Variants in MEIS3 observed in about 807,000 individuals in gnomAD.
MEIS3 encodes Meis homeobox 3.
A neutral mutation model predicts 51.4 loss-of-function variants in MEIS3; 38 were observed. That is an observed-to-expected ratio of 0.74 (90% CI 0.57 to 0.97). The LOEUF (loss-of-function observed/expected upper bound fraction) is 0.97. Ranked by LOEUF, MEIS3 falls within the 50% of genes least tolerant of loss-of-function variation. The pLI, the probability that MEIS3 is intolerant of heterozygous loss-of-function variation, is 0.00. For missense variants in MEIS3, 456 were observed against 502.6 expected, an observed-to-expected ratio of 0.91 and a Z score of 0.89; for synonymous variants, 198 against 201.8, an observed-to-expected ratio of 0.98 and a Z score of 0.16.
In MEIS3 at chr19:47,406,466, T is replaced by C; in HGVS notation, c.*11A>G. ...AGCCCTTAGACCCTCACACCTCTCCTGCATCAGCCTCTATAGATAATGCCA... is the reference window on the plus strand; with the variant it reads ...AGCCCTTAGACCCTCACACCTCTCCCGCATCAGCCTCTATAGATAATGCCA... On this transcript the variant is annotated 3_prime_UTR_variant, in exon 12 of 13. Coordinates refer to ENST00000558555, the MANE Select transcript of MEIS3 (RefSeq NM_001301059.2). 1 of 1,613,240 alleles carries C rather than the reference T, an allele frequency of 6.2e-7. No homozygotes were observed. Among genetic ancestry groups the C allele is most frequent in the Non-Finnish European group, 8.5e-7 (1 of 1,179,468 alleles).
intron 12 of MEIS3, 164 bp downstream of exon 12, chr19:47,406,296 T>TGGAC (rs1372810538): frequency 3.8e-6 from 2 of 522,268 alleles, no homozygotes; most frequent in Admixed American, 3.5e-5. Context: ...GATGGATGGA[T>TGGAC]GGACGGACGG....
At chr19:47,408,228 G>A (rs569513815) in intron 8 of MEIS3, among the ~76,000 whole-genome samples, 4 of 151,494 alleles carry the variant, frequency 2.6e-5, no homozygotes, top group Non-Finnish European at 5.9e-5. Context: ...CCTGGCTCAA[G>A]CAATCCTCCG....
rs778163193 is a variant in MEIS3 at position 47,409,125 on chromosome 19, G to C, written c.832C>G (p.Arg278Gly). ...IFPKVATNIM[R>G]AWLFQHLSHP... ...GAGAGGTGCTGGAACAACCAGGCTC[G>C]CATGATGTTGGTGGCCACCTTGGGG... The change falls in exon 8 of 13, where the codon CGA (arginine) becomes GGA (glycine). Residue 278 changes from arginine (R) to glycine (G), a missense_variant. Coordinates refer to ENST00000558555, the MANE Select transcript of MEIS3 (RefSeq NM_001301059.2). 1.2e-6 allele frequency: 2 copies of C among 1,611,176 alleles called. No individual in the cohort carries two copies. The highest frequency in any genetic ancestry group is 1.7e-6 in the Non-Finnish European group (2 of 1,179,998).
chr19:47,420,601 G>T (rs954664553), upstream of MEIS3, among the ~76,000 whole-genome samples: 3 of 151,434 alleles, frequency 2.0e-5, no homozygotes, highest in African/African-American at 4.9e-5. Context: ...CAGACAGGAG[G>T]GGGAGGGAGT....
chr19:47,413,603 T>C (rs1301895071), intron 6 of MEIS3, among the ~76,000 whole-genome samples: 2 of 151,990 alleles, frequency 1.3e-5, no homozygotes, highest in African/African-American at 4.8e-5. Context: ...TATGGAGCTG[T>C]GGCAAGTCGG....
chr19:47,419,113 T>A lies in MEIS3; in HGVS notation c.-32A>T. 8.1e-7 allele frequency: 1 copy of A among 1,229,720 alleles called. No homozygotes were observed. Among genetic ancestry groups the A allele is most frequent in the Non-Finnish European group, 1.0e-6 (1 of 986,834 alleles). The allele number at this position is 1,229,720 out of a possible 1,614,324, so 76.2% of individuals were successfully genotyped here. A position where few individuals can be genotyped will look rare whatever the true frequency, so the allele number is the denominator to read the frequency against. On this transcript the variant is annotated 5_prime_UTR_variant, in exon 1 of 13. Coordinates refer to ENST00000558555, the MANE Select transcript of MEIS3 (RefSeq NM_001301059.2). ...AGGCCGGCGGCAGCTCCTGGGTCCCTCCAGAGCCTGGCCGCGGGGGAGGGC... is the reference window on the plus strand; with the variant it reads ...AGGCCGGCGGCAGCTCCTGGGTCCCACCAGAGCCTGGCCGCGGGGGAGGGC...
chr19:47,414,635 G>C, intron 6 of MEIS3, 82 bp downstream of exon 6: 1 of 1,479,278 alleles, frequency 6.8e-7, no homozygotes, highest in Non-Finnish European at 9.1e-7. Flanking sequence ...GTCTGAGGCT[G>C]TGTAGTGCAC....
chr19:47,409,259 C>T lies in MEIS3; in HGVS notation c.710-12G>A. On this transcript the variant is annotated splice_polypyrimidine_tract_variant and intron_variant, in intron 7 of 12. Transcript: ENST00000558555. ...GTCCAGCCCGTCTCCTGAGGGAAGG[C>T]AGGCATGCTGTGTGTGTGGGTAGTG... 6.2e-7 allele frequency: 1 copy of T among 1,604,018 alleles called. No homozygotes were observed. Among genetic ancestry groups the T allele is most frequent in the Non-Finnish European group, 8.5e-7 (1 of 1,175,852 alleles).
At chr19:47,407,251 A>AG in intron 9 of MEIS3, 101 bp downstream of exon 9, 1 of 1,490,608 alleles carries the variant, frequency 6.7e-7, no homozygotes, top group South Asian at 1.3e-5. Flanking sequence ...CGGGGCGAGC[A>AG]GGGGCAGTGG....
At chr19:47,407,016 G>A in intron 10 of MEIS3, 45 bp from the exon 11 acceptor site, 1 of 1,579,222 alleles carries the variant, frequency 6.3e-7, no homozygotes, top group Non-Finnish European at 8.6e-7. Flanking sequence ...CAGGAAGCCC[G>A]GGACCCGGCT....
intron 6 of MEIS3, among the ~76,000 whole-genome samples, chr19:47,410,874 G>A (rs568542138): frequency 6.6e-6 from 1 of 152,302 alleles, no homozygotes; most frequent in South Asian, 2.1e-4. Context: ...ACCTTACACA[G>A]GTCTATGGCA....
intron 12 of MEIS3, among the ~76,000 whole-genome samples, chr19:47,405,369 A>G (rs1487390925): frequency 1.3e-5 from 2 of 152,028 alleles, no homozygotes; most frequent in Non-Finnish European, 2.9e-5. Context: ...CCCCATCCAG[A>G]GGCCACTTCC....
chr19:47,414,615 C>T (rs1383440380), intron 6 of MEIS3, 102 bp downstream of exon 6: 4 of 1,372,780 alleles, frequency 2.9e-6, no homozygotes, highest in South Asian at 1.4e-5. Flanking sequence ...ATCAGGCTGA[C>T]TGTGGCTTCG....
intron 12 of MEIS3, among the ~76,000 whole-genome samples, chr19:47,404,801 G>A (rs1970741640): frequency 6.6e-6 from 1 of 152,154 alleles, no homozygotes; most frequent in Non-Finnish European, 1.5e-5. Context: ...TCCCAGCCCT[G>A]CCCGTTCTGG....
chr19:47,417,688 G>C lies in MEIS3; in HGVS notation c.13-338C>G, dbSNP rs1261009592. 1.0e-5 allele frequency: 7 copies of C among 702,424 alleles called. No homozygotes were observed. In the Admixed American group the frequency reaches 1.0e-4, roughly 10 times the overall value. The allele number at this position is 702,424 out of a possible 1,614,324, so 43.5% of individuals were successfully genotyped here. A position where few individuals can be genotyped will look rare whatever the true frequency, so the allele number is the denominator to read the frequency against. On this transcript the variant is annotated intron_variant, in intron 1 of 12. Transcript: ENST00000558555. ...AGAGACAGAGAGAGAGACAGACAGA[G>C]AGGGAGATCCATGGACACCTCCTGT...
rs1191376840 is a variant in MEIS3 at position 47,417,124 on chromosome 19, G to C, written c.185+54C>G. The stretch of plus-strand genomic sequence containing the variant: ...GACAGAAGCAGACCCAGGGAGCAAA[G>C]AAGCAGAAAGACAGAGAGAGAGAGA... On this transcript the variant is annotated intron_variant, in intron 2 of 12. Coordinates refer to ENST00000558555, the MANE Select transcript of MEIS3 (RefSeq NM_001301059.2). 16 of 1,539,320 alleles carry C rather than the reference G, an allele frequency of 1.0e-5. No homozygotes were observed. The East Asian group carries it at 3.4e-4, about 33-fold the overall frequency.
intron 1 of MEIS3, 33 bp downstream of exon 1, chr19:47,419,037 G>A: frequency 1.6e-6 from 2 of 1,242,748 alleles, no homozygotes; most frequent in Non-Finnish European, 2.0e-6. Flanking sequence ...TGCGGAAGCG[G>A]CCGGGACGCG....
At chr19:47,411,427 CA>C (rs945999043) in intron 6 of MEIS3, among the ~76,000 whole-genome samples, 9 of 152,040 alleles carry the variant, frequency 5.9e-5, no homozygotes, top group African/African-American at 2.2e-4. Flanking sequence ...CTTTTGCTGC[CA>C]AATGAGTTTG....
chr19:47,404,245 C>T (rs1389265549), intron 12 of MEIS3, among the ~76,000 whole-genome samples: 1 of 151,988 alleles, frequency 6.6e-6, no homozygotes, highest in Admixed American at 6.6e-5. Flanking sequence ...AAGACCCCTC[C>T]ATCACTACTG....
Sources: gnomAD v4.1 joint callset for allele counts (sites outside exome capture counted in the v4.1 genomes callset) on GRCh38, gnomAD v4.1.1 for gene constraint, MANE v1.5 for transcripts, NCBI Gene and HGNC (gene_info 2026-07-23, HGNC 2026-07-21) for gene names.